The following PPP2R2B variants were observed in gnomAD, a reference collection of about 807,000 sequenced individuals.
PPP2R2B encodes the protein protein phosphatase 2 regulatory subunit Bbeta, also known as serine/threonine-protein phosphatase 2A 55 kDa regulatory subunit B beta isoform.
In PPP2R2B, 5 loss-of-function variants were observed where a neutral mutation model predicts 46.0. That is an observed-to-expected ratio of 0.11 (90% CI 0.06 to 0.23). PPP2R2B has a LOEUF of 0.23. Among genes scored for constraint, PPP2R2B ranks in the 10% least tolerant of loss-of-function variants. The pLI is 1.00. For missense variants in PPP2R2B, 367 were observed against 575.0 expected, an observed-to-expected ratio of 0.64 and a Z score of 3.70; for synonymous variants, 215 against 206.7, an observed-to-expected ratio of 1.04 and a Z score of -0.34.
intron 2 of PPP2R2B, among the ~76,000 whole-genome samples, chr5:146,799,487 G>T (rs984076895): frequency 6.6e-6 from 1 of 152,156 alleles, no homozygotes; most frequent in Non-Finnish European, 1.5e-5. Context: ...AGGAGGTATC[G>T]ACAGGCTACA....
rs138859234 is a variant in PPP2R2B at position 146,797,627 on chromosome 5, G to A, written c.70+80375C>T. 2.1e-3 allele frequency among the ~76,000 whole-genome samples: 318 copies of A among 152,306 alleles called. 1 individual carries two copies. The highest frequency in any genetic ancestry group is 0.014 in the Middle Eastern group (4 of 294). The stretch of plus-strand genomic sequence containing the variant: ...AGAGACCTATCTACTGGGCATCTCC[G>A]ACTACCAGCAGCTAAGCACATTATT... On this transcript the variant is annotated intron_variant, in intron 2 of 9. Coordinates refer to ENST00000394411, the MANE Select transcript of PPP2R2B (RefSeq NM_181675.4).
chr5:146,789,366 G>T (rs1467834706), intron 2 of PPP2R2B, among the ~76,000 whole-genome samples: 4 of 152,104 alleles, frequency 2.6e-5, no homozygotes, highest in Non-Finnish European at 5.9e-5. Flanking sequence ...AATGATTTTA[G>T]AATCGAGTAA....
At chr5:147,061,242 T>C (rs1757248902) in intron 2 of PPP2R2B, among the ~76,000 whole-genome samples, 1 of 152,162 alleles carries the variant, frequency 6.6e-6, no homozygotes, top group Non-Finnish European at 1.5e-5. Context: ...AACAAGGTTA[T>C]TTTAGGTGGT....
intron 1 of PPP2R2B, among the ~76,000 whole-genome samples, chr5:146,893,492 G>A (rs1408281306): frequency 1.3e-5 from 2 of 152,116 alleles, no homozygotes; most frequent in Non-Finnish European, 2.9e-5. Context: ...CAGGTGTCAT[G>A]TCCTATAAAT....
At chr5:146,950,572 T>C (rs1328546722) in intron 1 of PPP2R2B, among the ~76,000 whole-genome samples, 1 of 152,080 alleles carries the variant, frequency 6.6e-6, no homozygotes, top group Non-Finnish European at 1.5e-5. Context: ...ACATCAGTAC[T>C]TTTCCAAGTA....
chr5:146,967,165 G>C (rs1752455926), intron 1 of PPP2R2B, among the ~76,000 whole-genome samples: 1 of 152,120 alleles, frequency 6.6e-6, no homozygotes, highest in Non-Finnish European at 1.5e-5. Context: ...CCCTCTATTA[G>C]ATACATGGAT....
At chr5:146,663,781 C>T (rs1776815478) in intron 5 of PPP2R2B, among the ~76,000 whole-genome samples, 1 of 152,026 alleles carries the variant, frequency 6.6e-6, no homozygotes. Context: ...GCTGATTGAT[C>T]AGGGTGGTAG....
chr5:147,046,394 G>C (rs1042527936), intron 1 of PPP2R2B, among the ~76,000 whole-genome samples: 10 of 152,180 alleles, frequency 6.6e-5, no homozygotes, highest in African/African-American at 2.4e-4. Flanking sequence ...CACTTGTGAA[G>C]ATAAAGGCCT....
At chr5:146,598,014 A>G (rs1179564352) in intron 8 of PPP2R2B, among the ~76,000 whole-genome samples, 1 of 152,244 alleles carries the variant, frequency 6.6e-6, no homozygotes, top group African/African-American at 2.4e-5. Context: ...AACATGCTGT[A>G]ATAACTTCCT....
At chr5:146,592,311 A>C (rs1319462639) in intron 9 of PPP2R2B, 1 of 209,924 alleles carries the variant, frequency 4.8e-6, no homozygotes, top group Non-Finnish European at 9.9e-6. Context: ...GTCTTGCCAT[A>C]ACAGAATTTC....
chr5:146,897,944 C>T (rs1762699746), intron 1 of PPP2R2B, among the ~76,000 whole-genome samples: 1 of 152,166 alleles, frequency 6.6e-6, no homozygotes, highest in Non-Finnish European at 1.5e-5. Flanking sequence ...AATCCCAGCA[C>T]TTTGGGAGGC....
At chr5:146,791,250 A>G (rs546654189) in intron 2 of PPP2R2B, among the ~76,000 whole-genome samples, 1 of 152,332 alleles carries the variant, frequency 6.6e-6, no homozygotes, top group African/African-American at 2.4e-5. Flanking sequence ...AATGTCATGT[A>G]ACTATCATAC....
At chr5:146,898,367 A>G (rs1762715027) in intron 1 of PPP2R2B, among the ~76,000 whole-genome samples, 1 of 152,196 alleles carries the variant, frequency 6.6e-6, no homozygotes, top group East Asian at 1.9e-4. Context: ...AAAACAAGCA[A>G]TGGGGAAAGG....
chr5:146,621,475 G>A (rs1269502790), intron 7 of PPP2R2B, among the ~76,000 whole-genome samples: 1 of 152,160 alleles, frequency 6.6e-6, no homozygotes, highest in Non-Finnish European at 1.5e-5. Context: ...CTGGTGCTGA[G>A]AACAGACACT....
chr5:146,888,698 C>T (rs577717642), intron 1 of PPP2R2B, among the ~76,000 whole-genome samples: 1 of 152,202 alleles, frequency 6.6e-6, no homozygotes, highest in Non-Finnish European at 1.5e-5. Context: ...AAATGCAGCA[C>T]CACCAAATTT....
At chr5:146,855,182 C>T (rs1401943955) in intron 2 of PPP2R2B, among the ~76,000 whole-genome samples, 11 of 152,180 alleles carry the variant, frequency 7.2e-5, no homozygotes, top group South Asian at 2.1e-4. Context: ...GAAAAAAAAT[C>T]GTACATTGAA....
intron 4 of PPP2R2B, among the ~76,000 whole-genome samples, chr5:146,696,001 T>G (rs1201449721): frequency 6.6e-6 from 1 of 152,194 alleles, no homozygotes. Flanking sequence ...CAAAAAACTA[T>G]TTAAAAACTC....
intron 2 of PPP2R2B, among the ~76,000 whole-genome samples, chr5:146,798,964 A>G (rs1756702628): frequency 6.6e-6 from 1 of 152,188 alleles, no homozygotes; most frequent in Non-Finnish European, 1.5e-5. Flanking sequence ...AGTGACTTTG[A>G]GAATTTATAA....
chr5:146,838,269 A>C (rs902761019), intron 2 of PPP2R2B, among the ~76,000 whole-genome samples: 3 of 152,116 alleles, frequency 2.0e-5, no homozygotes, highest in Non-Finnish European at 2.9e-5. Flanking sequence ...GGATTTCCCA[A>C]GGTTACAGAC....
Sources: gnomAD v4.1 joint callset for allele counts (sites outside exome capture counted in the v4.1 genomes callset) on GRCh38, gnomAD v4.1.1 for gene constraint, MANE v1.5 for transcripts, NCBI Gene and HGNC (gene_info 2026-07-23, HGNC 2026-07-21) for gene names.